CLNK: variants seen among roughly 807,000 people sequenced by gnomAD.
The protein encoded by CLNK is cytokine-dependent hematopoietic cell linker.
A neutral mutation model predicts 68.6 loss-of-function variants in CLNK; 74 were observed. The ratio of observed to expected loss-of-function variants is 1.08; its 90% CI spans 0.89 to 1.31. The LOEUF is 1.31. CLNK is among the 50% of genes most tolerant of loss of function. CLNK has a pLI of 0.00. For missense variants in CLNK, 553 were observed against 515.3 expected (o/e 1.07, Z -0.71); for synonymous variants, 198 against 172.2 (o/e 1.15, Z -1.17).
chr4:10,655,334 C>CAGAGAGAGAGAGAG (rs148877353), intron 2 of CLNK, among the ~76,000 whole-genome samples: 3,940 of 134,942 alleles, frequency 0.029, 93 homozygotes, highest in East Asian at 0.063. Flanking sequence ...CCCCCAAAGA[C>CAGAGAGAGAGAGAG]AGAGAGAGAG....
intron 1 of CLNK, among the ~76,000 whole-genome samples, chr4:10,670,185 G>A (rs1236324891): frequency 6.6e-6 from 1 of 152,182 alleles, no homozygotes; most frequent in Non-Finnish European, 1.5e-5. Flanking sequence ...GCAATTACTT[G>A]CATAGCAAAG....
At chr4:10,711,802 G>T in the CLNK span, among the ~76,000 whole-genome samples, 2 of 152,280 alleles carry the variant, frequency 1.3e-5, no homozygotes, top group South Asian at 4.2e-4. Flanking sequence ...CTTGTCCAAT[G>T]CCAACATTCT....
At chr4:10,629,168 T>C (rs1722791379) in intron 2 of CLNK, among the ~76,000 whole-genome samples, 1 of 152,240 alleles carries the variant, frequency 6.6e-6, no homozygotes, top group Non-Finnish European at 1.5e-5. Context: ...TGGGTCTTCA[T>C]TCTGAGGGCT....
intron 1 of CLNK, among the ~76,000 whole-genome samples, chr4:10,681,695 T>A (rs1022472667): frequency 2.6e-5 from 4 of 152,318 alleles, no homozygotes; most frequent in African/African-American, 7.2e-5. Flanking sequence ...TAAATGCTGT[T>A]GACTAGTTTG....
intron 2 of CLNK, among the ~76,000 whole-genome samples, chr4:10,640,261 T>G (rs1344241271): frequency 2.0e-5 from 3 of 152,148 alleles, no homozygotes; most frequent in Non-Finnish European, 4.4e-5. Flanking sequence ...GCCTCCTCAG[T>G]TCAAGAGATT....
intron 2 of CLNK, among the ~76,000 whole-genome samples, chr4:10,615,147 A>C (rs759488531): frequency 1.3e-5 from 2 of 151,840 alleles, no homozygotes; most frequent in African/African-American, 2.4e-5. Flanking sequence ...AGTTTGTGTC[A>C]CTTCACTCCA....
At chr4:10,643,052 C>T (rs539546058) in intron 2 of CLNK, among the ~76,000 whole-genome samples, 61 of 152,226 alleles carry the variant, frequency 4.0e-4, no homozygotes, top group African/African-American at 1.3e-3. Context: ...TACTTAAAAC[C>T]GTGCGGTTCA....
chr4:10,663,192 G>A lies in CLNK; in HGVS notation c.11+4667C>T, dbSNP rs371827248. ...CTAGCCCCAGCGGTGTAATGGGGCC[G>A]CTAGTGGGTCTGTCTGCTCTTCTCT... On this transcript the variant is annotated intron_variant, in intron 2 of 18. Transcript: ENST00000226951. Among the ~76,000 whole-genome samples the A allele has an allele frequency of 2.0e-4, 30 of 152,324 alleles. No individual in the cohort carries two copies. In the East Asian group the frequency reaches 2.9e-3, roughly 15 times the overall value.
intron 11 of CLNK, 125 bp downstream of exon 11, chr4:10,540,369 G>C (rs1718964242): frequency 1.4e-6 from 1 of 689,954 alleles, no homozygotes; most frequent in Non-Finnish European, 2.6e-6. Flanking sequence ...TCTTTGAATG[G>C]ACCAATACAC....
At position 10,581,929 on chromosome 4, in the gene CLNK, A is replaced by T. The variant is rs182568275; in HGVS notation, c.112+2998T>A. On this transcript the variant is annotated intron_variant, in intron 4 of 18. Transcript: ENST00000226951. ...CAGCAAGTCTAAAGAATGGCCCAGA[A>T]CTACTTGAATTGGAATTATCTTGTT... Among the ~76,000 whole-genome samples, 157 of 152,332 alleles carry T rather than the reference A, an allele frequency of 1.0e-3. 1 individual carries two copies. Among genetic ancestry groups the T allele is most frequent in the African/African-American group, 3.4e-3 (142 of 41,572 alleles).
intron 7 of CLNK, among the ~76,000 whole-genome samples, chr4:10,559,751 C>T (rs539705047): frequency 5.9e-5 from 9 of 152,284 alleles, no homozygotes; most frequent in Admixed American, 3.3e-4. Flanking sequence ...TTCCCAACTT[C>T]TGTCAAATAA....
chr4:10,652,485 A>T (rs1723784946), intron 2 of CLNK, among the ~76,000 whole-genome samples: 1 of 152,054 alleles, frequency 6.6e-6, no homozygotes, highest in Non-Finnish European at 1.5e-5. Context: ...TAAGAATAGA[A>T]AAGTGTCAAT....
intron 8 of CLNK, among the ~76,000 whole-genome samples, chr4:10,546,757 T>G (rs1403080636): frequency 6.6e-6 from 1 of 152,356 alleles, no homozygotes. Context: ...AGTCTGTTTT[T>G]TTTTGTTGCT....
chr4:10,556,790 A>G lies in CLNK; in HGVS notation c.445+1617T>C, dbSNP rs540657036. Among the ~76,000 whole-genome samples, 9 of 152,222 alleles carry G rather than the reference A, an allele frequency of 5.9e-5. No homozygotes were observed. The East Asian group carries it at 1.7e-3, about 29-fold the overall frequency. ...ATTAATGTGCTGGTTAAAGAAAAGG[A>G]GAAGGGCCGGGTGTGGTGGCTCACA... is the stretch of plus-strand genomic sequence containing the variant. On this transcript the variant is annotated intron_variant, in intron 8 of 18. Coordinates refer to ENST00000226951, the MANE Select transcript of CLNK (RefSeq NM_052964.4).
intron 17 of CLNK, among the ~76,000 whole-genome samples, chr4:10,506,862 C>T (rs528370167): frequency 1.4e-3 from 215 of 152,126 alleles, no homozygotes; most frequent in Non-Finnish European, 2.5e-3. Context: ...TGCGGTGGCG[C>T]GATCTCAGCT....
rs1292431671 is a variant in CLNK at position 10,598,013 on chromosome 4, A to G, written c.48T>C (p.Asp16=). The change falls in exon 3 of 19, where the codon GAT becomes GAC. Residue 16 remains aspartate (D), a synonymous_variant. Transcript: ENST00000226951. ...GCAGACTGAAGTTCTGGAATTTCAA[A>G]TCGTTGGATCCTTCTTTAGTTGTCT... The part of the protein sequence containing the change: ...NRKTTKEGSN[D]LKFQNFSLPK... 4 of 1,589,550 alleles carry G rather than the reference A, an allele frequency of 2.5e-6. No individual in the cohort carries two copies. The highest frequency in any genetic ancestry group is 3.4e-6 in the Non-Finnish European group (4 of 1,166,356).
At chr4:10,601,078 A>C (rs921698744) in intron 2 of CLNK, among the ~76,000 whole-genome samples, 1 of 152,222 alleles carries the variant, frequency 6.6e-6, no homozygotes, top group Non-Finnish European at 1.5e-5. Flanking sequence ...AGCAACCCTC[A>C]GTAGCGAATA....
chr4:10,682,042 A>G (rs1316617272), intron 1 of CLNK, among the ~76,000 whole-genome samples: 2 of 152,144 alleles, frequency 1.3e-5, no homozygotes, highest in African/African-American at 4.8e-5. Flanking sequence ...ATTCCCAAAT[A>G]TTCTGCCCAT....
At chr4:10,725,143 C>G in the CLNK span, among the ~76,000 whole-genome samples, 1 of 152,068 alleles carries the variant, frequency 6.6e-6, no homozygotes, top group Non-Finnish European at 1.5e-5. Context: ...TCCCATAGCA[C>G]CGTAGGGATA....
Sources: gnomAD v4.1 joint callset for allele counts (sites outside exome capture counted in the v4.1 genomes callset) on GRCh38, gnomAD v4.1.1 for gene constraint, MANE v1.5 for transcripts, NCBI Gene and HGNC (gene_info 2026-07-23, HGNC 2026-07-21) for gene names.